The following PSG11 variants were observed in gnomAD, a reference collection of about 807,000 sequenced individuals.
PSG11 encodes the protein pregnancy specific beta-1-glycoprotein 11, also known as pregnancy-specific beta-1-glycoprotein 11.
In PSG11, 42 loss-of-function variants were observed where a neutral mutation model predicts 36.0. The ratio of observed to expected loss-of-function variants is 1.17; its 90% CI spans 0.91 to 1.51. PSG11 has a LOEUF of 1.51. Among genes scored for constraint, PSG11 ranks in the 40% most tolerant of loss-of-function variants. The pLI is 0.00. For missense variants in PSG11, 558 were observed against 403.5 expected, an observed-to-expected ratio of 1.38 and a Z score of -3.28; for synonymous variants, 206 against 153.5, an observed-to-expected ratio of 1.34 and a Z score of -2.53.
chr19:43,015,418 G>C (rs778123482), intron 3 of PSG11, 48 bp from the exon 4 acceptor site: 1 of 1,569,284 alleles, frequency 6.4e-7, no homozygotes, highest in Non-Finnish European at 8.7e-7. Context: ...TGAGGGAAGG[G>C]GAAGCTCCTT....
chr19:43,019,070 G>A (rs1335929434), intron 2 of PSG11, 22 bp from the exon 3 acceptor site: 2 of 1,606,198 alleles, frequency 1.2e-6, no homozygotes, highest in Middle Eastern at 1.7e-4. Flanking sequence ...ACAGAGAGAA[G>A]ATTGCCCTGT....
chr19:43,011,067 A>C lies in PSG11; in HGVS notation c.965-1026T>G, dbSNP rs969920819. On this transcript the variant is annotated intron_variant, in intron 4 of 5. Coordinates refer to ENST00000320078, the MANE Select transcript of PSG11 (RefSeq NM_002785.3). ...AAAAGACAGAAGCTTAGCGTGCTGT[A>C]AAAACTTTCCTGGTGTCATATGGCT... 1.3e-5 allele frequency among the ~76,000 whole-genome samples: 2 copies of C among 151,048 alleles called. 1 individual carries two copies. Among genetic ancestry groups the C allele is most frequent in the Admixed American group, 1.3e-4 (2 of 15,078 alleles).
In PSG11 at chr19:43,015,926, A is replaced by C. The variant is rs552401099; in HGVS notation, c.710-556T>G. Reference sequence around the variant, plus strand: ...CTGGGACTGACCGGGAGGCTCTGACAATTTAGCCACCAAATGTAGGCATAG... The same window carrying C: ...CTGGGACTGACCGGGAGGCTCTGACCATTTAGCCACCAAATGTAGGCATAG... On this transcript the variant is annotated intron_variant, in intron 3 of 5. Coordinates refer to ENST00000320078, the MANE Select transcript of PSG11 (RefSeq NM_002785.3). 447 of 1,610,040 alleles carry C rather than the reference A, an allele frequency of 2.8e-4. 7 individuals carry two copies. The highest frequency in any genetic ancestry group is 1.4e-3 in the African/African-American group (101 of 74,352).
intron 2 of PSG11, among the ~76,000 whole-genome samples, chr19:43,020,849 G>C (rs769191340): frequency 6.6e-6 from 1 of 151,286 alleles, no homozygotes; most frequent in Non-Finnish European, 1.5e-5. Flanking sequence ...TAGGAAAAAT[G>C]GGGAGGACCC....
intron 2 of PSG11, among the ~76,000 whole-genome samples, chr19:43,023,456 G>C (rs1436851226): frequency 1.3e-5 from 2 of 150,982 alleles, no homozygotes; most frequent in African/African-American, 2.5e-5. Flanking sequence ...CAGAGTTTCA[G>C]GTTCAGTGAT....
intron 5 of PSG11, among the ~76,000 whole-genome samples, chr19:43,008,586 A>G (rs1568484092): frequency 6.6e-6 from 1 of 151,212 alleles, no homozygotes; most frequent in African/African-American, 2.4e-5. Flanking sequence ...TAGAATACTC[A>G]TATTATTAAC....
intron 4 of PSG11, among the ~76,000 whole-genome samples, chr19:43,011,501 G>T (rs1400138774): frequency 1.3e-5 from 2 of 151,102 alleles, no homozygotes; most frequent in Non-Finnish European, 2.9e-5. Flanking sequence ...GAAACCAAAA[G>T]TTGATTCTTC....
intron 3 of PSG11, chr19:43,015,669 A>C: frequency 1.3e-6 from 2 of 1,549,690 alleles, no homozygotes; most frequent in Non-Finnish European, 1.7e-6. Context: ...TCCAAAAGTA[A>C]AGGTGTCTGT....
At chr19:43,008,301 C>A (rs1345449721) in intron 5 of PSG11, among the ~76,000 whole-genome samples, 4 of 151,086 alleles carry the variant, frequency 2.6e-5, no homozygotes, top group African/African-American at 4.9e-5. Flanking sequence ...GAGATGGAGT[C>A]TCACTCTGTC....
intron 5 of PSG11, among the ~76,000 whole-genome samples, chr19:43,008,980 TTTTAAAAA>T (rs1270015922): frequency 6.6e-6 from 1 of 151,012 alleles, no homozygotes; most frequent in African/African-American, 2.4e-5. Context: ...GAGCATCCTC[TTTTAAAAA>T]TGTTTTCCAG....
rs1966951128 is a variant in PSG11, at chr19:43,015,845, C to A, written c.710-475G>T. Reference sequence around the variant, plus strand: ...ATTTCACATTGATAGGGTCCTGTTTCATTTCTCGTGACACTGGGTAGAATG... The same window carrying A: ...ATTTCACATTGATAGGGTCCTGTTTAATTTCTCGTGACACTGGGTAGAATG... On this transcript the variant is annotated intron_variant, in intron 3 of 5. Transcript: ENST00000320078. The A allele has an allele frequency of 6.2e-6, 10 of 1,610,156 alleles. 1 individual carries two copies. The East Asian group carries it at 1.8e-4, about 29-fold the overall frequency.
intron 3 of PSG11, chr19:43,018,313 C>G (rs1281801917): frequency 1.2e-5 from 3 of 242,152 alleles, no homozygotes; most frequent in Non-Finnish European, 2.5e-5. Flanking sequence ...AGCTTGGGGA[C>G]TTCCCCTGTA....
chr19:43,022,336 T>A (rs1394894267), intron 2 of PSG11, among the ~76,000 whole-genome samples: 1 of 151,338 alleles, frequency 6.6e-6, no homozygotes, highest in Non-Finnish European at 1.5e-5. Context: ...TACCTATGAC[T>A]AATGGCTCAG....
In PSG11 at chr19:43,025,116, G is replaced by A; in HGVS notation, c.65-60C>T. 4.5e-6 allele frequency: 7 copies of A among 1,562,784 alleles called. 1 individual carries two copies. On this transcript the variant is annotated intron_variant, in intron 1 of 5. Coordinates refer to ENST00000320078, the MANE Select transcript of PSG11 (RefSeq NM_002785.3). Reference sequence around the variant, plus strand: ...ACCTATGTATTGGGGTGAAAAGATGGGGCCCTGAGTCCTGAGAAGGTCTCT... The same window carrying A: ...ACCTATGTATTGGGGTGAAAAGATGAGGCCCTGAGTCCTGAGAAGGTCTCT...
chr19:43,020,199 A>G (rs947610788), intron 2 of PSG11, among the ~76,000 whole-genome samples: 7 of 151,466 alleles, frequency 4.6e-5, no homozygotes, highest in Non-Finnish European at 1.0e-4. Context: ...TCATACAGAT[A>G]AAGTGCTTCT....
In PSG11 at chr19:43,024,953, G is replaced by T; in HGVS notation, c.168C>A (p.His56Gln). The change falls in exon 2 of 6, where the codon CAC becomes CAA. Residue 56 changes from histidine (H) to glutamine (Q), a missense_variant. Coordinates refer to ENST00000320078, the MANE Select transcript of PSG11 (RefSeq NM_002785.3). The stretch of plus-strand genomic sequence containing the variant: ...AGCCAGTAAGATTCTGGGGCAAATT[G>T]TGGACAAGTAGAAGAACATCCTTCC... ...SEGKDVLLLVHNLPQNLTGYI... is the reference protein window; with the variant it reads ...SEGKDVLLLVQNLPQNLTGYI... 1 of 1,611,770 alleles carries T rather than the reference G, an allele frequency of 6.2e-7. No individual in the cohort carries two copies. The highest frequency in any genetic ancestry group is 2.2e-5 in the East Asian group (1 of 44,794).
intron 4 of PSG11, chr19:43,010,411 A>G (rs1599667243): frequency 9.1e-6 from 14 of 1,539,336 alleles, no homozygotes; most frequent in Admixed American, 1.9e-5. Context: ...ACTCTGTCAG[A>G]TCTCCATGGC....
intron 3 of PSG11, chr19:43,016,012 T>G: frequency 6.2e-7 from 1 of 1,610,074 alleles, no homozygotes; most frequent in Non-Finnish European, 8.5e-7. Context: ...GGGGTTTAAG[T>G]TGTTGATGGT....
At chr19:43,017,831 G>A (rs1967004438) in intron 3 of PSG11, among the ~76,000 whole-genome samples, 1 of 151,312 alleles carries the variant, frequency 6.6e-6, no homozygotes, top group Admixed American at 6.6e-5. Context: ...GACCTTTTTG[G>A]TTAAACTTAT....
Sources: allele counts gnomAD v4.1 joint callset (sites outside exome capture counted in the v4.1 genomes callset), GRCh38; gene constraint gnomAD v4.1.1; transcripts MANE v1.5; gene names NCBI Gene and HGNC (gene_info 2026-07-23, HGNC 2026-07-21).